The following CACNA1D variants were observed in gnomAD, a reference collection of about 807,000 sequenced individuals.
CACNA1D encodes the protein voltage-dependent L-type calcium channel subunit alpha-1D.
CACNA1D carries 55 observed loss-of-function variants against 257.1 expected under a neutral mutation model. The ratio of observed to expected loss-of-function variants is 0.21; its 90% CI spans 0.17 to 0.27. CACNA1D has a LOEUF of 0.27. Among genes scored for constraint, CACNA1D ranks in the 10% least tolerant of loss-of-function variants. The pLI is 1.00. For synonymous variants in CACNA1D, 980 were observed against 1,014.9 expected (o/e 0.97, Z 0.65); for missense variants, 1,876 against 2,784.0 (o/e 0.67, Z 7.34).
chr3:53,757,350 G>T lies in CACNA1D; in HGVS notation c.3786+3668G>T, dbSNP rs145465094. On this transcript the variant is annotated intron_variant, in intron 29 of 47. Coordinates refer to ENST00000350061, the MANE Select transcript of CACNA1D (RefSeq NM_001128840.3). ...TTGTTGGGCTCCATCCTGTCCTTTTGACATTGAGGTTTCCCAGAGCCCTCT... is the reference window on the plus strand; with the variant it reads ...TTGTTGGGCTCCATCCTGTCCTTTTTACATTGAGGTTTCCCAGAGCCCTCT... Among the ~76,000 whole-genome samples the T allele has an allele frequency of 6.6e-5, 10 of 152,160 alleles. No individual in the cohort carries two copies. The East Asian group carries it at 1.9e-3, about 29-fold the overall frequency.
chr3:53,704,420 G>A (rs1298775738), intron 9 of CACNA1D, among the ~76,000 whole-genome samples: 2 of 152,186 alleles, frequency 1.3e-5, no homozygotes, highest in Non-Finnish European at 2.9e-5. Context: ...TCAGAAGACT[G>A]AGGGAGGGTT....
chr3:53,682,102 G>T (rs1462082528), intron 8 of CACNA1D, among the ~76,000 whole-genome samples: 1 of 152,128 alleles, frequency 6.6e-6, no homozygotes, highest in Non-Finnish European at 1.5e-5. Flanking sequence ...TGAATTTTAA[G>T]CAGGGAGTGA....
chr3:53,543,734 G>A (rs771814058), intron 3 of CACNA1D, among the ~76,000 whole-genome samples: 1 of 152,140 alleles, frequency 6.6e-6, no homozygotes, highest in Admixed American at 6.6e-5. Flanking sequence ...TTTTACAGGT[G>A]AGGAAACTGA....
chr3:53,599,460 A>G (rs1199492504), intron 3 of CACNA1D, among the ~76,000 whole-genome samples: 2 of 152,094 alleles, frequency 1.3e-5, no homozygotes, highest in African/African-American at 4.8e-5. Context: ...TGCTTTTTGA[A>G]AGAGATAAAA....
intron 30 of CACNA1D, among the ~76,000 whole-genome samples, chr3:53,767,837 C>T (rs1014744145): frequency 6.6e-6 from 1 of 152,178 alleles, no homozygotes; most frequent in Non-Finnish European, 1.5e-5. Flanking sequence ...GTCACATCCT[C>T]CCCTGAAGCA....
intron 3 of CACNA1D, among the ~76,000 whole-genome samples, chr3:53,540,394 G>A (rs1043557416): frequency 7.9e-5 from 12 of 151,712 alleles, no homozygotes; most frequent in African/African-American, 2.2e-4. Flanking sequence ...CCAAAGTGCT[G>A]GGATTACAGG....
intron 3 of CACNA1D, 28 bp downstream of exon 3, chr3:53,501,748 C>A: frequency 8.2e-7 from 1 of 1,223,942 alleles, no homozygotes; most frequent in Non-Finnish European, 1.2e-6. Context: ...TCCTGCTGGT[C>A]CTGGTATATG....
chr3:53,691,933 A>G (rs1294101939), intron 8 of CACNA1D, among the ~76,000 whole-genome samples: 2 of 50,302 alleles, frequency 4.0e-5, no homozygotes, highest in Non-Finnish European at 8.0e-5. Flanking sequence ...TATATATATT[A>G]TATATATATT....
Position 53,805,006 on chromosome 3 carries a change from G to A in CACNA1D, c.5609G>A (p.Arg1870Lys). ...WSRQNYGYYS[R>K]YPGRNIDSER... is the part of the protein sequence containing the mutation. Reference sequence around the variant, plus strand: ...AGGCAAAACTATGGCTACTACAGCAGATACCCAGGCAGAAACATCGACTCT... The same window carrying A: ...AGGCAAAACTATGGCTACTACAGCAAATACCCAGGCAGAAACATCGACTCT... The change falls in exon 45 of 48, where the codon AGA (arginine) becomes AAA (lysine). Residue 1870 changes from arginine to lysine, a missense_variant. By Grantham distance (26) the Arg-to-Lys change is conservative (BLOSUM62 2). Around this residue, in one of 10 missense-constraint regions of CACNA1D, gnomAD observed 491 missense variants for 554.3 expected, o/e 0.89. Coordinates refer to ENST00000350061, the MANE Select transcript of CACNA1D (RefSeq NM_001128840.3). 1 of 1,614,108 alleles carries A rather than the reference G, an allele frequency of 6.2e-7. No homozygotes were observed. The highest frequency in any genetic ancestry group is 8.5e-7 in the Non-Finnish European group (1 of 1,179,996).
chr3:53,808,445 T>TC, intron 45 of CACNA1D: 1 of 611,640 alleles, frequency 1.6e-6, no homozygotes, highest in Admixed American at 2.8e-5. Flanking sequence ...AGTTTGTACT[T>TC]TAAAAAACAT....
chr3:53,517,300 C>T (rs952089920), intron 3 of CACNA1D, among the ~76,000 whole-genome samples: 15 of 152,092 alleles, frequency 9.9e-5, no homozygotes, highest in African/African-American at 2.4e-4. Context: ...CTGGGACCTA[C>T]GCAGAAGAGT....
chr3:53,617,495 AT>A (rs1177867800), intron 3 of CACNA1D, among the ~76,000 whole-genome samples: 1 of 152,190 alleles, frequency 6.6e-6, no homozygotes, highest in African/African-American at 2.4e-5. Context: ...TAGGGGTGTT[AT>A]GACAATTAAG....
intron 19 of CACNA1D, among the ~76,000 whole-genome samples, chr3:53,734,571 G>A (rs934771511): frequency 2.0e-5 from 3 of 151,992 alleles, no homozygotes; most frequent in Admixed American, 1.3e-4. Flanking sequence ...CTAACCAGGC[G>A]CAGGGCACAT....
intron 31 of CACNA1D, 101 bp from the exon 32 acceptor site, chr3:53,770,323 C>T (rs1559656746): frequency 1.8e-6 from 2 of 1,115,430 alleles, no homozygotes; most frequent in Non-Finnish European, 2.7e-6. Context: ...ATCACATCTT[C>T]AGTTCTTACC....
intron 8 of CACNA1D, 95 bp from the exon 9 acceptor site, chr3:53,702,546 C>T: frequency 8.5e-7 from 1 of 1,179,650 alleles, no homozygotes; most frequent in Non-Finnish European, 1.3e-6. Flanking sequence ...TGCTGTGTGT[C>T]CTGCCCACAA....
intron 3 of CACNA1D, among the ~76,000 whole-genome samples, chr3:53,647,201 G>C (rs1233021490): frequency 6.6e-6 from 1 of 152,170 alleles, no homozygotes; most frequent in Non-Finnish European, 1.5e-5. Context: ...GGTTTGACTG[G>C]CCCTGCCTAC....
chr3:53,692,973 G>A (rs2094541594), intron 8 of CACNA1D, among the ~76,000 whole-genome samples: 2 of 152,284 alleles, frequency 1.3e-5, no homozygotes, highest in South Asian at 4.1e-4. Context: ...CACAAGAATT[G>A]CTTGAACCCA....
At chr3:53,587,847 A>G (rs2093244580) in intron 3 of CACNA1D, among the ~76,000 whole-genome samples, 1 of 152,170 alleles carries the variant, frequency 6.6e-6, no homozygotes. Flanking sequence ...GGAACCAACA[A>G]ATATACTTAA....
intron 3 of CACNA1D, among the ~76,000 whole-genome samples, chr3:53,517,580 T>G (rs1193019519): frequency 5.3e-5 from 8 of 151,832 alleles, no homozygotes; most frequent in Non-Finnish European, 8.8e-5. Flanking sequence ...GCCTCCCAGG[T>G]TCAAGCGATT....
Sources: gnomAD v4.1 joint callset for allele counts (sites outside exome capture counted in the v4.1 genomes callset) on GRCh38, gnomAD v4.1.1 for gene constraint, gnomAD v4.1.1 regional missense constraint, MANE v1.5 for transcripts, NCBI Gene and HGNC (gene_info 2026-07-23, HGNC 2026-07-21) for gene names.